Variants in RP1 observed in about 807,000 individuals in gnomAD.
RP1 encodes oxygen-regulated protein 1.
A neutral mutation model predicts 14.8 loss-of-function variants in RP1; 16 were observed. The observed-to-expected ratio is 1.08, with a 90% CI of 0.73 to 1.65. RP1 has a LOEUF of 1.65. Among genes scored for constraint, RP1 ranks in the 40% most tolerant of loss-of-function variants. The pLI is 0.00. For synonymous variants in RP1, 876 were observed against 883.6 expected, an observed-to-expected ratio of 0.99 and a Z score of 0.15; for missense variants, 2,631 against 2,535.0, an observed-to-expected ratio of 1.04 and a Z score of -0.81.
At chr8:54,623,660 A>G (rs1805943958) in intron 3 of RP1, among the ~76,000 whole-genome samples, 1 of 152,178 alleles carries the variant, frequency 6.6e-6, no homozygotes, top group Admixed American at 6.5e-5. Context: ...ATACATGTTA[A>G]AAAGATAACT....
At chr8:54,597,057 A>G (rs1805165638) in intron 1 of RP1, among the ~76,000 whole-genome samples, 1 of 152,124 alleles carries the variant, frequency 6.6e-6, no homozygotes, top group South Asian at 2.1e-4. Flanking sequence ...CTGCTCAAAA[A>G]CCTTCAGCAT....
At chr8:54,758,951 G>A (rs112506083) in exon 22 of RP1, 27 of 1,535,768 alleles carry the variant, frequency 1.8e-5, no homozygotes, top group African/African-American at 4.1e-5. Context: ...CAGCAGTGTC[G>A]CTTGGAAAAC....
chr8:54,828,554 T>A (rs1372079626), intron 24 of RP1, among the ~76,000 whole-genome samples: 1 of 152,218 alleles, frequency 6.6e-6, no homozygotes, highest in Non-Finnish European at 1.5e-5. Flanking sequence ...AAGCAGATGC[T>A]AGTGCTGGGC....
intron 27 of RP1, among the ~76,000 whole-genome samples, chr8:54,865,636 C>T (rs1379691942): frequency 6.6e-6 from 1 of 151,476 alleles, no homozygotes; most frequent in Non-Finnish European, 1.5e-5. Flanking sequence ...CTTCTCTTGT[C>T]CTCTGCTTCT....
intron 7 of RP1, among the ~76,000 whole-genome samples, chr8:54,672,196 C>T (rs752475962): frequency 6.6e-6 from 1 of 152,196 alleles, no homozygotes; most frequent in Non-Finnish European, 1.5e-5. Flanking sequence ...TGGCCTCTGT[C>T]TTTTAGCCTT....
intron 25 of RP1, among the ~76,000 whole-genome samples, chr8:54,839,172 G>A (rs1433381107): frequency 6.6e-6 from 1 of 152,228 alleles, no homozygotes; most frequent in East Asian, 1.9e-4. Flanking sequence ...CCTTGAACAG[G>A]TGGGTTTAAA....
At chr8:54,696,384 G>A in intron 12 of RP1, 1 of 627,910 alleles carries the variant, frequency 1.6e-6, no homozygotes, top group Non-Finnish European at 2.8e-6. Context: ...CTAACTTTGT[G>A]CAACACTAGA....
intron 24 of RP1, among the ~76,000 whole-genome samples, chr8:54,790,478 C>T (rs1029826995): frequency 6.6e-6 from 1 of 151,308 alleles, no homozygotes; most frequent in African/African-American, 2.4e-5. Flanking sequence ...AATAAAGCTC[C>T]AGTAGTTGAT....
intron 24 of RP1, among the ~76,000 whole-genome samples, chr8:54,820,865 CA>C (rs1811239962): frequency 1.3e-5 from 2 of 152,206 alleles, no homozygotes; most frequent in Non-Finnish European, 2.9e-5. Context: ...AGAACACACT[CA>C]GGAAATTGAC....
intron 1 of RP1, among the ~76,000 whole-genome samples, chr8:54,597,207 T>G (rs1356834592): frequency 6.6e-6 from 1 of 152,218 alleles, no homozygotes; most frequent in East Asian, 1.9e-4. Context: ...CATTATTTAC[T>G]AATTGTGTGA....
chr8:54,764,440 G>A (rs963746146), intron 22 of RP1, among the ~76,000 whole-genome samples: 13 of 152,178 alleles, frequency 8.5e-5, no homozygotes, highest in Non-Finnish European at 1.8e-4. Flanking sequence ...CAAAAGATGC[G>A]TCACCTCTGC....
chr8:54,839,088 G>C (rs372434562), intron 25 of RP1, among the ~76,000 whole-genome samples: 13 of 152,224 alleles, frequency 8.5e-5, no homozygotes, highest in African/African-American at 3.1e-4. Flanking sequence ...TTCATCACGT[G>C]GTACCAGCCT....
Position 54,679,858 on chromosome 8 carries a change from A to T in RP1, c.1642A>T (p.Lys548Ter), listed in dbSNP as rs1320725565. Residue 548 changes from lysine to a stop codon, truncating the protein, a stop_gained, in exon 12 of 23, where the codon AAG (lysine) becomes TAG (stop). Coordinates refer to the RP1 transcript ENST00000636932. LOFTEE classifies it high-confidence loss of function. ...AGGAAATACTCTTCAGTTCTATAACAAGCTGACTGGAGGGTTTGTCCGTTT... is the reference window on the plus strand; with the variant it reads ...AGGAAATACTCTTCAGTTCTATAACTAGCTGACTGGAGGGTTTGTCCGTTT... 9 of 1,536,000 alleles carry T rather than the reference A, an allele frequency of 5.9e-6. No homozygotes were observed. In the East Asian group the frequency reaches 1.5e-4, roughly 25 times the overall value.
rs1812079713 is a variant in RP1, at chr8:54,852,503, C to T, written c.3836-71C>T. On this transcript the variant is annotated intron_variant, in intron 25 of 28. Transcript: ENST00000637698. ...ATGAAAGAACATTCTGATTTCCTTG[C>T]AGAATATCTAACTACATTCAAAGAG... 2.2e-5 allele frequency: 24 copies of T among 1,072,248 alleles called. No homozygotes were observed. In the South Asian group the frequency reaches 1.1e-3, roughly 49 times the overall value. 66.4% of individuals were successfully genotyped at this position (1,072,248 alleles called of 1,614,324 possible). A position where few individuals can be genotyped will look rare whatever the true frequency, so the allele number is the denominator to read the frequency against.
At chr8:54,844,023 G>A (rs1043233683) in intron 25 of RP1, among the ~76,000 whole-genome samples, 3 of 152,158 alleles carry the variant, frequency 2.0e-5, no homozygotes, top group African/African-American at 7.2e-5. Flanking sequence ...TAAGGCTGAG[G>A]GCATCAGTGA....
At chr8:54,604,467 G>A (rs980969714) in intron 1 of RP1, among the ~76,000 whole-genome samples, 31 of 152,084 alleles carry the variant, frequency 2.0e-4, no homozygotes, top group Non-Finnish European at 3.5e-4. Flanking sequence ...TTTTTGCATC[G>A]ATGTTCATCA....
chr8:54,844,339 C>T (rs1205049228), intron 25 of RP1, among the ~76,000 whole-genome samples: 7 of 152,122 alleles, frequency 4.6e-5, no homozygotes, highest in Non-Finnish European at 7.3e-5. Context: ...ATGGCAAAAA[C>T]GCAGTTACTT....
At chr8:54,741,737 A>G (rs1585652840) in intron 19 of RP1, among the ~76,000 whole-genome samples, 3 of 137,412 alleles carry the variant, frequency 2.2e-5, no homozygotes, top group African/African-American at 8.0e-5. Flanking sequence ...ATATATATAT[A>G]TATATATATA....
intron 7 of RP1, among the ~76,000 whole-genome samples, chr8:54,670,458 C>T (rs548107526): frequency 4.5e-4 from 65 of 145,626 alleles, no homozygotes; most frequent in Middle Eastern, 7.5e-3. Flanking sequence ...TACATATACA[C>T]GTATACCTAC....
Sources: gnomAD v4.1 joint callset for allele counts (sites outside exome capture counted in the v4.1 genomes callset) on GRCh38, gnomAD v4.1.1 for gene constraint, MANE v1.5 for transcripts, NCBI Gene and HGNC (gene_info 2026-07-23, HGNC 2026-07-21) for gene names.